INSC: variants seen among roughly 807,000 people sequenced by gnomAD.
The protein encoded by INSC is protein inscuteable homolog.
In INSC, 67 loss-of-function variants were observed where a neutral mutation model predicts 58.6. That is an observed-to-expected ratio of 1.14 (90% CI 0.94 to 1.40). The LOEUF (loss-of-function observed/expected upper bound fraction) is 1.40, where lower values mean the gene tolerates loss of function less well. INSC is among the 40% of genes most tolerant of loss of function. INSC has a pLI of 0.00. For synonymous variants in INSC, 262 were observed against 276.1 expected, an observed-to-expected ratio of 0.95 and a Z score of 0.51; for missense variants, 714 against 692.0, an observed-to-expected ratio of 1.03 and a Z score of -0.36.
intron 12 of INSC, among the ~76,000 whole-genome samples, chr11:15,242,199 G>T (rs1477969969): frequency 6.6e-6 from 1 of 152,174 alleles, no homozygotes; most frequent in Non-Finnish European, 1.5e-5. Context: ...GGAAATGTTG[G>T]TAGCATTGAA....
At chr11:15,182,289 T>C (rs1194159114) in intron 5 of INSC, among the ~76,000 whole-genome samples, 1 of 152,052 alleles carries the variant, frequency 6.6e-6, no homozygotes. Flanking sequence ...AACAGATACA[T>C]GCTCATCTGT....
chr11:15,144,208 T>G (rs1447151235), intron 1 of INSC, among the ~76,000 whole-genome samples: 1 of 152,196 alleles, frequency 6.6e-6, no homozygotes, highest in African/African-American at 2.4e-5. Flanking sequence ...ATGTAGGAAA[T>G]GGGTTCATAT....
the INSC span, among the ~76,000 whole-genome samples, chr11:15,264,879 C>T: frequency 6.6e-6 from 1 of 152,090 alleles, no homozygotes; most frequent in Non-Finnish European, 1.5e-5. Flanking sequence ...CAGCATTATT[C>T]TGCTGACCAC....
intron 7 of INSC, among the ~76,000 whole-genome samples, chr11:15,214,181 C>T (rs1851129367): frequency 6.6e-6 from 1 of 152,114 alleles, no homozygotes; most frequent in Non-Finnish European, 1.5e-5. Flanking sequence ...TGCCCTCTAA[C>T]TATACCCTGG....
chr11:15,148,713 G>T (rs1263961470), intron 1 of INSC, among the ~76,000 whole-genome samples: 3 of 152,210 alleles, frequency 2.0e-5, no homozygotes, highest in African/African-American at 7.2e-5. Context: ...GTAACAGCCA[G>T]GGAATTAGAA....
intron 1 of INSC, among the ~76,000 whole-genome samples, chr11:15,127,344 C>T (rs1848020931): frequency 6.6e-6 from 1 of 152,228 alleles, no homozygotes; most frequent in Non-Finnish European, 1.5e-5. Flanking sequence ...TTAACATCAA[C>T]AAGATTTCAA....
rs370303251 is a variant in INSC at position 15,178,345 on chromosome 11, G to T, written c.477G>T (p.Glu159Asp). 11 of 1,613,964 alleles carry T rather than the reference G, an allele frequency of 6.8e-6. No individual in the cohort carries two copies. The highest frequency in any genetic ancestry group is 9.3e-6 in the Non-Finnish European group (11 of 1,180,036). The change falls in exon 5 of 13, where the codon GAG becomes GAT. Residue 159 changes from glutamate (E) to aspartate (D), a missense_variant. Glu to Asp is a conservative substitution (Grantham distance 45). Transcript: ENST00000379556. ...TCAGGTGCCTTCAGGTTGAGAATGAGCATGTCCTGAAGTCAATGAAGGCCT... is the reference window on the plus strand; with the variant it reads ...TCAGGTGCCTTCAGGTTGAGAATGATCATGTCCTGAAGTCAATGAAGGCCT... The part of the protein sequence containing the change: ...VTERCLQVEN[E>D]HVLKSMKACV...
At chr11:15,113,318 G>A (rs1023814526), upstream of INSC, among the ~76,000 whole-genome samples, 1 of 151,780 alleles carries the variant, frequency 6.6e-6, no homozygotes, top group Admixed American at 6.6e-5. Context: ...ATGACAACTC[G>A]CCCAGTTAAT....
rs998740610 is a variant in INSC, at chr11:15,197,499, T to C, written c.694-3325T>C. Among the ~76,000 whole-genome samples the C allele has an allele frequency of 5.3e-5, 8 of 152,302 alleles. 1 individual carries two copies. Among genetic ancestry groups the C allele is most frequent in the Admixed American group, 5.2e-4 (8 of 15,302 alleles). ...ATCCTCACCTTGGATGCTCAGTAGATGTACCCAGTGTTGTAACAGTGTGGG... is the reference window on the plus strand; with the variant it reads ...ATCCTCACCTTGGATGCTCAGTAGACGTACCCAGTGTTGTAACAGTGTGGG... On this transcript the variant is annotated intron_variant, in intron 6 of 12. Transcript: ENST00000379556.
At chr11:15,115,526 G>A (rs548231057) in intron 1 of INSC, among the ~76,000 whole-genome samples, 44 of 152,306 alleles carry the variant, frequency 2.9e-4, no homozygotes, top group African/African-American at 1.0e-3. Context: ...TCAGGGCTTG[G>A]AGAAGGACAG....
intron 7 of INSC, among the ~76,000 whole-genome samples, chr11:15,214,339 T>A (rs1851135342): frequency 6.6e-6 from 1 of 152,218 alleles, no homozygotes; most frequent in African/African-American, 2.4e-5. Flanking sequence ...ACTCTCCTGC[T>A]CCTATGGCTG....
At chr11:15,162,962 A>C (rs1849068871) in intron 2 of INSC, among the ~76,000 whole-genome samples, 1 of 152,182 alleles carries the variant, frequency 6.6e-6, no homozygotes, top group Non-Finnish European at 1.5e-5. Context: ...TCAGCTGCTC[A>C]AGTAAAAAAT....
At chr11:15,196,113 T>C (rs2133872078) in intron 6 of INSC, among the ~76,000 whole-genome samples, 1 of 152,310 alleles carries the variant, frequency 6.6e-6, no homozygotes, top group South Asian at 2.1e-4. Context: ...CCAGGAGTTG[T>C]TTAAAGATTT....
At chr11:15,125,926 G>C (rs1353803370) in intron 1 of INSC, among the ~76,000 whole-genome samples, 1 of 152,168 alleles carries the variant, frequency 6.6e-6, no homozygotes, top group African/African-American at 2.4e-5. Flanking sequence ...GCTGAGTCTT[G>C]ACAGGTGGGG....
intron 1 of INSC, among the ~76,000 whole-genome samples, chr11:15,124,219 T>C (rs1429178142): frequency 6.6e-6 from 1 of 152,130 alleles, no homozygotes; most frequent in Non-Finnish European, 1.5e-5. Context: ...TCCTCACAGC[T>C]CAGAATCCCA....
At chr11:15,232,377 T>C (rs929388128) in intron 9 of INSC, among the ~76,000 whole-genome samples, 1 of 152,232 alleles carries the variant, frequency 6.6e-6, no homozygotes, top group African/African-American at 2.4e-5. Flanking sequence ...GGGTGCTTGA[T>C]ATTAACTCAT....
intron 1 of INSC, among the ~76,000 whole-genome samples, chr11:15,134,598 T>C (rs1191277390): frequency 6.6e-6 from 1 of 152,142 alleles, no homozygotes; most frequent in East Asian, 1.9e-4. Flanking sequence ...TATTCCACCA[T>C]CTCCTCCAGC....
chr11:15,146,349 C>T (rs144029169), intron 1 of INSC, among the ~76,000 whole-genome samples: 1 of 152,276 alleles, frequency 6.6e-6, no homozygotes, highest in African/African-American at 2.4e-5. Flanking sequence ...CAAGATTTGG[C>T]TTTAGACATT....
chr11:15,195,533 T>C (rs1483447311), intron 6 of INSC, among the ~76,000 whole-genome samples: 1 of 152,226 alleles, frequency 6.6e-6, no homozygotes, highest in Non-Finnish European at 1.5e-5. Context: ...TCTGTTTCCA[T>C]GTGCCGCTTG....
Sources: gnomAD v4.1 joint callset for allele counts (sites outside exome capture counted in the v4.1 genomes callset) on GRCh38, gnomAD v4.1.1 for gene constraint, MANE v1.5 for transcripts, NCBI Gene and HGNC (gene_info 2026-07-23, HGNC 2026-07-21) for gene names.